The following ITGA1 variants were observed in gnomAD, a reference collection of about 807,000 sequenced individuals.
The protein encoded by ITGA1 is integrin subunit alpha 1.
Under a neutral mutation model 145.9 loss-of-function variants are expected in ITGA1, and 85 were observed. The observed-to-expected ratio is 0.58, with a 90% CI of 0.49 to 0.70. The LOEUF is 0.70. Ranked by LOEUF, ITGA1 falls within the 30% of genes least tolerant of loss-of-function variation. The pLI, the probability that ITGA1 is intolerant of heterozygous loss-of-function variation, is 0.00. For missense variants in ITGA1, 1,351 were observed against 1,418.7 expected (o/e 0.95, Z 0.77); for synonymous variants, 520 against 495.3 (o/e 1.05, Z -0.66).
chr5:52,830,446 G>A (rs1183677905), intron 1 of ITGA1, among the ~76,000 whole-genome samples: 1 of 152,010 alleles, frequency 6.6e-6, no homozygotes, highest in East Asian at 1.9e-4. Flanking sequence ...TTACCAGAGA[G>A]TATACCTTAA....
intron 28 of ITGA1, among the ~76,000 whole-genome samples, chr5:52,949,440 G>T (rs974752001): frequency 6.6e-6 from 1 of 152,058 alleles, no homozygotes; most frequent in Non-Finnish European, 1.5e-5. Flanking sequence ...TGGTGTCCTT[G>T]CAACAATCTT....
At chr5:52,931,238 T>C (rs1200041378) in intron 21 of ITGA1, 2 of 152,144 alleles carry the variant, frequency 1.3e-5, no homozygotes, top group African/African-American at 4.8e-5. Flanking sequence ...TTAAGCACTT[T>C]ATACTTATTA....
chr5:52,799,719 C>G (rs1369378281), intron 1 of ITGA1, among the ~76,000 whole-genome samples: 1 of 152,206 alleles, frequency 6.6e-6, no homozygotes, highest in Non-Finnish European at 1.5e-5. Flanking sequence ...AAGGCAAGAG[C>G]AAAAACGAGC....
chr5:52,937,055 AAAAAAAAG>A lies in ITGA1; in HGVS notation c.2965-342_2965-335del, dbSNP rs1750976069. On this transcript the variant is annotated intron_variant, in intron 23 of 28. Coordinates refer to ENST00000282588, the MANE Select transcript of ITGA1 (RefSeq NM_181501.2). Reference sequence around the variant, plus strand: ...TCAAAAAGACTGGTATGTTAAAAAAAAAAAAAAGAAAGAAAAAGAAAAGAATGAGCATG... The same window carrying A: ...TCAAAAAGACTGGTATGTTAAAAAAAAAAGAAAAAGAAAAGAATGAGCATG... Among the ~76,000 whole-genome samples the A allele has an allele frequency of 3.7e-5, 5 of 135,922 alleles. No homozygotes were observed. In the South Asian group the frequency reaches 1.3e-3, roughly 35 times the overall value. The allele number at this position is 135,922 out of a possible 152,430, so 89.2% of individuals were successfully genotyped here.
At chr5:52,850,960 G>A (rs549413223) in intron 2 of ITGA1, among the ~76,000 whole-genome samples, 5 of 152,246 alleles carry the variant, frequency 3.3e-5, no homozygotes, top group East Asian at 1.9e-4. Flanking sequence ...GACTTTGTGC[G>A]TAAGCTATAA....
intron 1 of ITGA1, among the ~76,000 whole-genome samples, chr5:52,833,603 T>A (rs929529776): frequency 6.6e-6 from 1 of 152,190 alleles, no homozygotes; most frequent in Non-Finnish European, 1.5e-5. Flanking sequence ...GCTTATTCAG[T>A]GTTAACTAAT....
chr5:52,801,828 T>C, intron 1 of ITGA1: 2 of 1,601,092 alleles, frequency 1.2e-6, no homozygotes, highest in Non-Finnish European at 8.5e-7. Flanking sequence ...ATTCCAGTTC[T>C]GAAGAGGATT....
chr5:52,802,353 G>A (rs894224981), intron 1 of ITGA1: 1 of 152,206 alleles, frequency 6.6e-6, no homozygotes, highest in Admixed American at 6.5e-5. Flanking sequence ...TATTTTAAAT[G>A]ATTGCCGTAC....
chr5:52,905,290 C>T (rs1258903198), intron 11 of ITGA1: 1 of 152,256 alleles, frequency 6.6e-6, no homozygotes, highest in Non-Finnish European at 1.5e-5. Context: ...AATGCAATGT[C>T]TTTATGCTTT....
At position 52,861,524 on chromosome 5, in the gene ITGA1, G is replaced by A. The variant is rs759368007; in HGVS notation, c.260G>A (p.Gly87Asp). 6 of 1,613,638 alleles carry A rather than the reference G, an allele frequency of 3.7e-6. No individual in the cohort carries two copies. The highest frequency in any genetic ancestry group is 4.2e-6 in the Non-Finnish European group (5 of 1,179,678). Reference sequence around the variant, plus strand: ...GTCTATAAGTGTCCAGTTGGGAGAGGTGAATCATTACCTTGTGTAAAGTTG... The same window carrying A: ...GTCTATAAGTGTCCAGTTGGGAGAGATGAATCATTACCTTGTGTAAAGTTG... ...GDVYKCPVGR[G>D]ESLPCVKLDL... Residue 87 changes from glycine to aspartate, a missense_variant, in exon 3 of 29, where the codon GGT becomes GAT. Physicochemically the swap from Gly to Asp is moderately conservative, Grantham distance 94 (BLOSUM62 -1). Transcript: ENST00000282588.
intron 1 of ITGA1, among the ~76,000 whole-genome samples, chr5:52,815,425 A>G (rs1156265285): frequency 6.6e-6 from 1 of 152,188 alleles, no homozygotes; most frequent in Non-Finnish European, 1.5e-5. Flanking sequence ...TCTGAAATTC[A>G]AATGTAACTG....
At chr5:52,816,794 T>A (rs1399012285) in intron 1 of ITGA1, among the ~76,000 whole-genome samples, 1 of 152,218 alleles carries the variant, frequency 6.6e-6, no homozygotes, top group Non-Finnish European at 1.5e-5. Context: ...CCGCTATTTC[T>A]GGAGAGTAGT....
At chr5:52,927,999 A>T (rs1750838567) in intron 20 of ITGA1, among the ~76,000 whole-genome samples, 1 of 152,212 alleles carries the variant, frequency 6.6e-6, no homozygotes. Context: ...CAGAACACAT[A>T]GCAGGTGCCA....
intron 13 of ITGA1, among the ~76,000 whole-genome samples, chr5:52,909,776 T>A (rs1389773768): frequency 6.6e-6 from 1 of 151,874 alleles, no homozygotes; most frequent in African/African-American, 2.4e-5. Flanking sequence ...GGGTTTTTTT[T>A]TTTTTTCCTT....
chr5:52,788,444 CCTG>C (rs1445340969), intron 1 of ITGA1, 30 bp downstream of exon 1: 1 of 1,470,152 alleles, frequency 6.8e-7, no homozygotes, highest in South Asian at 1.3e-5. Flanking sequence ...CTGAGCATCT[CCTG>C]CTCGCGGGCT....
intron 20 of ITGA1, among the ~76,000 whole-genome samples, chr5:52,928,409 A>T (rs553584383): frequency 6.6e-6 from 1 of 152,298 alleles, no homozygotes; most frequent in South Asian, 2.1e-4. Context: ...CTTTCTAAAA[A>T]AAAATTGCCT....
At chr5:52,923,452 A>G (rs1401112530) in intron 18 of ITGA1, among the ~76,000 whole-genome samples, 1 of 152,180 alleles carries the variant, frequency 6.6e-6, no homozygotes, top group African/African-American at 2.4e-5. Flanking sequence ...TTAAGAAAAA[A>G]TAATGCACTT....
At chr5:52,950,045 T>G (rs1751195351) in intron 28 of ITGA1, among the ~76,000 whole-genome samples, 1 of 152,220 alleles carries the variant, frequency 6.6e-6, no homozygotes, top group East Asian at 1.9e-4. Flanking sequence ...TATCTTTGTC[T>G]TCATCATACA....
chr5:52,944,880 A>T, intron 26 of ITGA1, 63 bp from the exon 27 acceptor site: 1 of 1,142,488 alleles, frequency 8.8e-7, no homozygotes, highest in Non-Finnish European at 1.3e-6. Flanking sequence ...TCCTACTCAA[A>T]CATGACTAGC....
Sources: allele counts gnomAD v4.1 joint callset (sites outside exome capture counted in the v4.1 genomes callset), GRCh38; gene constraint gnomAD v4.1.1; transcripts MANE v1.5; gene names NCBI Gene and HGNC (gene_info 2026-07-23, HGNC 2026-07-21).